GLIPR1L2: variants seen among roughly 807,000 people sequenced by gnomAD.
The protein encoded by GLIPR1L2 is GLIPR1 like 2.
GLIPR1L2 carries 21 observed loss-of-function variants against 28.4 expected under a neutral mutation model. The ratio of observed to expected loss-of-function variants is 0.74; its 90% CI spans 0.52 to 1.06. The LOEUF is 1.06. GLIPR1L2 is among the 50% of genes least tolerant of loss of function. The pLI is 0.00. For synonymous variants in GLIPR1L2, 145 were observed against 139.3 expected, an observed-to-expected ratio of 1.04 and a Z score of -0.29; for missense variants, 476 against 416.9, an observed-to-expected ratio of 1.14 and a Z score of -1.23.
intron 1 of GLIPR1L2, among the ~76,000 whole-genome samples, chr12:75,394,574 A>C: frequency 6.6e-6 from 1 of 151,862 alleles, no homozygotes; most frequent in Admixed American, 6.6e-5. Flanking sequence ...GGGGCCCTCT[A>C]TTCCATTCTG....
chr12:75,400,426 C>T (rs1460124952), intron 1 of GLIPR1L2, among the ~76,000 whole-genome samples: 1 of 152,008 alleles, frequency 6.6e-6, no homozygotes, highest in Non-Finnish European at 1.5e-5. Context: ...CCGGCCTGAA[C>T]GTTCTTTATA....
chr12:75,393,684 GAAT>G (rs1442582575), intron 1 of GLIPR1L2, among the ~76,000 whole-genome samples: 1 of 151,972 alleles, frequency 6.6e-6, no homozygotes, highest in Non-Finnish European at 1.5e-5. Flanking sequence ...TGGCTGTTGT[GAAT>G]AATACTGCTA....
Position 75,410,414 on chromosome 12 carries a change from G to A in GLIPR1L2, c.235-20G>A. On this transcript the variant is annotated intron_variant, in intron 1 of 5. Coordinates refer to ENST00000550916, the MANE Select transcript of GLIPR1L2 (RefSeq NM_001270396.2). The stretch of plus-strand genomic sequence containing the variant: ...AAAAAAAACTTATTTTGTTCTCTTT[G>A]CTTTTTGAATATTTTTCAGACTTGG... The A allele has an allele frequency of 6.7e-7, 1 of 1,489,582 alleles. No individual in the cohort carries two copies. Among genetic ancestry groups the A allele is most frequent in the East Asian group, 2.4e-5 (1 of 41,822 alleles). 92.3% of individuals were successfully genotyped at this position (1,489,582 alleles called of 1,614,324 possible).
intron 2 of GLIPR1L2, 58 bp from the exon 3 acceptor site, chr12:75,413,540 A>G (rs916327347): frequency 1.6e-5 from 15 of 912,456 alleles, no homozygotes; most frequent in African/African-American, 1.7e-5. Flanking sequence ...ATTGTTTATA[A>G]TATGAAAGTC....
intron 3 of GLIPR1L2, among the ~76,000 whole-genome samples, chr12:75,418,205 A>C (rs2139954175): frequency 6.6e-6 from 1 of 152,278 alleles, no homozygotes; most frequent in Middle Eastern, 3.4e-3. Context: ...ATTGTGATAA[A>C]GTTGGCGTTT....
At chr12:75,401,501 T>C (rs2045741306) in intron 1 of GLIPR1L2, among the ~76,000 whole-genome samples, 1 of 151,926 alleles carries the variant, frequency 6.6e-6, no homozygotes, top group Non-Finnish European at 1.5e-5. Flanking sequence ...ACAAGATAAT[T>C]GTGGGATGTT....
chr12:75,401,960 A>T (rs1032856600), intron 1 of GLIPR1L2, among the ~76,000 whole-genome samples: 4 of 152,256 alleles, frequency 2.6e-5, no homozygotes, highest in South Asian at 2.1e-4. Context: ...ATGAAAAATA[A>T]TTTTTTCTAA....
chr12:75,428,668 G>C (rs1213572049), intron 4 of GLIPR1L2, among the ~76,000 whole-genome samples: 2 of 152,180 alleles, frequency 1.3e-5, no homozygotes, highest in Non-Finnish European at 2.9e-5. Flanking sequence ...TCCCATCACA[G>C]GCCCAGAGGC....
rs768927031 is a variant in GLIPR1L2 at position 75,391,398 on chromosome 12, A to G, written c.234+48A>G. The G allele has an allele frequency of 1.0e-5, 16 of 1,603,790 alleles. No individual in the cohort carries two copies. The East Asian group carries it at 1.6e-4, about 16-fold the overall frequency. ...CGACCCTTCCACTACCGTTGCCACA[A>G]CGCCTCCCTGGATCTCGGGTAGTTG... On this transcript the variant is annotated intron_variant, in intron 1 of 5. Coordinates refer to ENST00000550916, the MANE Select transcript of GLIPR1L2 (RefSeq NM_001270396.2).
intron 3 of GLIPR1L2, among the ~76,000 whole-genome samples, chr12:75,415,879 G>A (rs774022345): frequency 3.4e-4 from 51 of 152,054 alleles, no homozygotes; most frequent in Non-Finnish European, 5.7e-4. Context: ...ACACCCATAG[G>A]ATGAGTCAAG....
At chr12:75,396,097 G>T (rs1490702749) in intron 1 of GLIPR1L2, among the ~76,000 whole-genome samples, 1 of 151,980 alleles carries the variant, frequency 6.6e-6, no homozygotes, top group Non-Finnish European at 1.5e-5. Flanking sequence ...TTTTCCCAAG[G>T]TATTTTCTTT....
chr12:75,411,289 C>T (rs1201192276), intron 2 of GLIPR1L2, among the ~76,000 whole-genome samples: 3 of 151,766 alleles, frequency 2.0e-5, no homozygotes, highest in South Asian at 2.1e-4. Context: ...CATAACAACA[C>T]GACGTTATTT....
At chr12:75,429,811 C>T (rs1308802794) in intron 4 of GLIPR1L2, among the ~76,000 whole-genome samples, 1 of 152,110 alleles carries the variant, frequency 6.6e-6, no homozygotes, top group African/African-American at 2.4e-5. Context: ...CACTCTCCCT[C>T]CTGCCACCAT....
chr12:75,396,990 T>C (rs1037596799), intron 1 of GLIPR1L2, among the ~76,000 whole-genome samples: 1 of 152,220 alleles, frequency 6.6e-6, no homozygotes, highest in African/African-American at 2.4e-5. Flanking sequence ...TCCATGTCCA[T>C]TGTTAAGACT....
chr12:75,394,925 A>G (rs2045667774), intron 1 of GLIPR1L2, among the ~76,000 whole-genome samples: 2 of 151,816 alleles, frequency 1.3e-5, no homozygotes, highest in Admixed American at 1.3e-4. Context: ...TCTTTCAGTA[A>G]TATTTTATTT....
Position 75,405,328 on chromosome 12 carries a change from C to T in GLIPR1L2, c.235-5106C>T, listed in dbSNP as rs187691450. On this transcript the variant is annotated intron_variant, in intron 1 of 5. Transcript: ENST00000550916. ...TACTACTGTTACTGCTTGAGACCGT[C>T]ATTACAAGACTGAACAGAGGACAAA... Among the ~76,000 whole-genome samples the T allele has an allele frequency of 9.0e-4, 137 of 152,274 alleles. 3 individuals are homozygous for T. The highest frequency in any genetic ancestry group is 1.3e-4 in the Non-Finnish European group (9 of 68,018).
At chr12:75,404,014 T>C (rs1375178725) in intron 1 of GLIPR1L2, among the ~76,000 whole-genome samples, 3 of 152,196 alleles carry the variant, frequency 2.0e-5, no homozygotes, top group Non-Finnish European at 1.5e-5. Flanking sequence ...AAAGAAAGCC[T>C]TAAAGGCTTT....
chr12:75,394,229 GATA>G (rs1429290543), intron 1 of GLIPR1L2, among the ~76,000 whole-genome samples: 2 of 151,990 alleles, frequency 1.3e-5, no homozygotes, highest in African/African-American at 4.8e-5. Flanking sequence ...GCACTCTATT[GATA>G]ATATCCTTTG....
intron 1 of GLIPR1L2, among the ~76,000 whole-genome samples, chr12:75,405,030 A>T (rs959455564): frequency 6.6e-6 from 1 of 152,200 alleles, no homozygotes; most frequent in Non-Finnish European, 1.5e-5. Flanking sequence ...ATATTCATAA[A>T]ATTTGCTAGT....
Sources: gnomAD v4.1 joint callset for allele counts (sites outside exome capture counted in the v4.1 genomes callset) on GRCh38, gnomAD v4.1.1 for gene constraint, MANE v1.5 for transcripts, NCBI Gene and HGNC (gene_info 2026-07-23, HGNC 2026-07-21) for gene names.